TEX9: variants seen among roughly 807,000 people sequenced by gnomAD.
TEX9 encodes testis-expressed protein 9.
In TEX9, 74 loss-of-function variants were observed where a neutral mutation model predicts 59.6. The ratio of observed to expected loss-of-function variants is 1.24; its 90% CI spans 1.03 to 1.51. TEX9 has a LOEUF of 1.51. Ranked by LOEUF, TEX9 falls within the 40% of genes most tolerant of loss-of-function variation. The pLI is 0.00. For synonymous variants in TEX9, 186 were observed against 152.2 expected, an observed-to-expected ratio of 1.22 and a Z score of -1.64; for missense variants, 522 against 447.8, an observed-to-expected ratio of 1.17 and a Z score of -1.49.
At chr15:56,265,090 T>C (rs1404799243) in intron 1 of TEX9, among the ~76,000 whole-genome samples, 1 of 152,162 alleles carries the variant, frequency 6.6e-6, no homozygotes, top group Non-Finnish European at 1.5e-5. Flanking sequence ...TCACTTTTCC[T>C]TAAAAATTTT....
chr15:56,315,751 A>T (rs1267927494), intron 1 of TEX9, among the ~76,000 whole-genome samples: 1 of 146,794 alleles, frequency 6.8e-6, no homozygotes, highest in East Asian at 2.0e-4. Context: ...AGTGTTTTCC[A>T]ACTTGGTTCC....
intron 1 of TEX9, among the ~76,000 whole-genome samples, chr15:56,274,829 A>T (rs1344450125): frequency 2.0e-5 from 3 of 152,036 alleles, no homozygotes. Context: ...GTTTGTCTTC[A>T]GTGTACCACT....
At chr15:56,280,279 A>G (rs1232671786) in intron 1 of TEX9, among the ~76,000 whole-genome samples, 11 of 152,124 alleles carry the variant, frequency 7.2e-5, no homozygotes, top group Admixed American at 7.2e-4. Context: ...ACCCCCAGCC[A>G]TGATCGCTGA....
intron 1 of TEX9, among the ~76,000 whole-genome samples, chr15:56,326,519 C>T (rs1203821836): frequency 6.6e-6 from 1 of 151,980 alleles, no homozygotes; most frequent in African/African-American, 2.4e-5. Flanking sequence ...TTAGAAATTA[C>T]AGGTAACTAT....
chr15:56,429,292 A>C (rs1187067219), intron 12 of TEX9: 4 of 738,540 alleles, frequency 5.4e-6, no homozygotes, highest in East Asian at 2.8e-5. Flanking sequence ...GTTATCTCCA[A>C]GGTAATGAAA....
At position 56,388,570 on chromosome 15, in the gene TEX9, G is replaced by T. The variant is rs1419308790; in HGVS notation, c.312+50G>T. 2.0e-6 allele frequency: 3 copies of T among 1,521,214 alleles called. 1 individual carries two copies. The Admixed American group carries it at 5.1e-5, about 26-fold the overall frequency. The allele number at this position is 1,521,214 out of a possible 1,614,324, so 94.2% of individuals were successfully genotyped here. On this transcript the variant is annotated intron_variant, in intron 5 of 12. Transcript: ENST00000352903. ...TGCAATTATATTCTGTAGAACTCCG[G>T]ATATTTTTTAGACTTTTCTTAGACA...
intron 7 of TEX9, 88 bp downstream of exon 7, chr15:56,391,506 A>T: frequency 1.1e-6 from 1 of 939,170 alleles, no homozygotes; most frequent in Non-Finnish European, 1.5e-6. Flanking sequence ...TCCATTTAAA[A>T]AAATGTATTG....
intron 1 of TEX9, among the ~76,000 whole-genome samples, chr15:56,307,541 G>C (rs79245413): frequency 1.3e-5 from 2 of 152,202 alleles, no homozygotes; most frequent in Non-Finnish European, 2.9e-5. Flanking sequence ...TTTATTAAAT[G>C]TCCAATATTT....
At chr15:56,373,588 A>C (rs750450214) in intron 3 of TEX9, 84 bp downstream of exon 3, 117 of 1,125,172 alleles carry the variant, frequency 1.0e-4, no homozygotes, top group Non-Finnish European at 1.4e-4. Context: ...TATATACAAA[A>C]CACTAGCCAA....
At chr15:56,266,432 C>T (rs545158799) in intron 1 of TEX9, among the ~76,000 whole-genome samples, 6 of 151,832 alleles carry the variant, frequency 4.0e-5, no homozygotes, top group Admixed American at 6.6e-5. Flanking sequence ...CTCACTAACT[C>T]GTTGTTTACT....
chr15:56,320,216 G>A (rs911775475), intron 1 of TEX9, among the ~76,000 whole-genome samples: 1 of 152,164 alleles, frequency 6.6e-6, no homozygotes, highest in Non-Finnish European at 1.5e-5. Context: ...TAATCAGAGT[G>A]TATTCTCTGC....
At chr15:56,258,084 A>G (rs1340351054) in intron 1 of TEX9, among the ~76,000 whole-genome samples, 1 of 152,162 alleles carries the variant, frequency 6.6e-6, no homozygotes, top group African/African-American at 2.4e-5. Flanking sequence ...GGTTTGTCAA[A>G]GATCAGATGG....
intron 1 of TEX9, among the ~76,000 whole-genome samples, chr15:56,270,877 T>G (rs12909358): frequency 0.29 from 44,759 of 152,132 alleles, 7,619 homozygotes; most frequent in Middle Eastern, 0.47. Context: ...AGGATTTTAT[T>G]TCTCCTTCAC....
chr15:56,355,960 A>T (rs2046676315), intron 1 of TEX9, among the ~76,000 whole-genome samples: 1 of 152,128 alleles, frequency 6.6e-6, no homozygotes. Context: ...AGTATGGTAT[A>T]TAGAAGTATA....
chr15:56,366,831 G>A (rs1324616499), intron 2 of TEX9, among the ~76,000 whole-genome samples: 1 of 152,114 alleles, frequency 6.6e-6, no homozygotes, highest in African/African-American at 2.4e-5. Context: ...ACTGTGTTTA[G>A]GTGAACTATA....
At chr15:56,393,156 C>A (rs2048296834) in intron 7 of TEX9, among the ~76,000 whole-genome samples, 1 of 152,070 alleles carries the variant, frequency 6.6e-6, no homozygotes, top group African/African-American at 2.4e-5. Context: ...TGGGAAAAGT[C>A]ATGCTTTCCT....
At chr15:56,333,829 G>C (rs1567089433) in intron 1 of TEX9, among the ~76,000 whole-genome samples, 1 of 152,064 alleles carries the variant, frequency 6.6e-6, no homozygotes, top group Non-Finnish European at 1.5e-5. Flanking sequence ...TAAGTTGCAG[G>C]ATACAAAATC....
At chr15:56,415,546 G>T (rs572967372) in intron 10 of TEX9, among the ~76,000 whole-genome samples, 1 of 151,810 alleles carries the variant, frequency 6.6e-6, no homozygotes, top group South Asian at 2.1e-4. Flanking sequence ...GTAGATGTGC[G>T]GCCTTATTTA....
the TEX9 span, among the ~76,000 whole-genome samples, chr15:56,458,435 A>AT: frequency 6.6e-6 from 1 of 152,152 alleles, no homozygotes; most frequent in South Asian, 2.1e-4. Flanking sequence ...ACACTCAGTA[A>AT]ACCTGTATTT....
Sources: allele counts gnomAD v4.1 joint callset (sites outside exome capture counted in the v4.1 genomes callset), GRCh38; gene constraint gnomAD v4.1.1; transcripts MANE v1.5; gene names NCBI Gene and HGNC (gene_info 2026-07-23, HGNC 2026-07-21).